SH3GL1: variants seen among roughly 807,000 people sequenced by gnomAD.
SH3GL1 encodes SH3 domain containing GRB2 like 1, endophilin A2.
Under a neutral mutation model 48.8 loss-of-function variants are expected in SH3GL1, and 21 were observed. The observed-to-expected ratio is 0.43, with a 90% CI of 0.30 to 0.62. The LOEUF (loss-of-function observed/expected upper bound fraction) is 0.62. Ranked by LOEUF, SH3GL1 falls within the 20% of genes least tolerant of loss-of-function variation. SH3GL1 has a pLI of 0.11. For synonymous variants in SH3GL1, 282 were observed against 217.5 expected (o/e 1.30, Z -2.61); for missense variants, 454 against 503.0 (o/e 0.90, Z 0.93).
In SH3GL1 at chr19:4,376,405, C is replaced by T. The variant is rs116461582; in HGVS notation, c.46-9411G>A. ...AGAACCTCAGCGCCCTCCTCCCTGC[C>T]GGCAGCCAGGCAGGGATTTAGGTGG... On this transcript the variant is annotated intron_variant, in intron 1 of 9. Coordinates refer to ENST00000269886, the MANE Select transcript of SH3GL1 (RefSeq NM_003025.4). The surrounding 1 kb of genome is among the most constrained non-coding windows in gnomAD (Gnocchi z 4.3). Among the ~76,000 whole-genome samples, 1,393 of 152,146 alleles carry T rather than the reference C, an allele frequency of 9.2e-3. 25 individuals are homozygous for T. The highest frequency in any genetic ancestry group is 0.032 in the African/African-American group (1,347 of 41,512).
chr19:4,381,581 T>C, intron 1 of SH3GL1, among the ~76,000 whole-genome samples: 1 of 76,808 alleles, frequency 1.3e-5, no homozygotes, highest in Admixed American at 1.7e-4. Context: ...TCCCCCTGCC[T>C]CTCTCTGTCT....
At chr19:4,369,545 C>A (rs924274113) in intron 1 of SH3GL1, among the ~76,000 whole-genome samples, 7 of 152,164 alleles carry the variant, frequency 4.6e-5, no homozygotes, top group Non-Finnish European at 1.0e-4. Flanking sequence ...GAGGCCCTAC[C>A]GGCGAGGACC....
At chr19:4,384,832 G>A (rs184805730) in intron 1 of SH3GL1, among the ~76,000 whole-genome samples, 18 of 152,310 alleles carry the variant, frequency 1.2e-4, no homozygotes, top group South Asian at 1.0e-3. Context: ...GAGCAGGTGC[G>A]GTGGCTTACG....
intron 1 of SH3GL1, among the ~76,000 whole-genome samples, chr19:4,370,495 G>C (rs762269164): frequency 6.6e-6 from 1 of 152,116 alleles, no homozygotes; most frequent in Non-Finnish European, 1.5e-5. Flanking sequence ...CCTGCATCAG[G>C]GTGGCAGGGT....
intron 1 of SH3GL1, among the ~76,000 whole-genome samples, chr19:4,384,087 G>A (rs1223672394): frequency 6.6e-6 from 1 of 152,224 alleles, no homozygotes; most frequent in Non-Finnish European, 1.5e-5. Flanking sequence ...CTGCGACAAG[G>A]CTGGGTGCTA....
intron 1 of SH3GL1, chr19:4,395,471 T>C (rs943040689): frequency 2.6e-5 from 4 of 152,242 alleles, no homozygotes; most frequent in Admixed American, 2.6e-4. Flanking sequence ...TGTCATCATA[T>C]GTACGGGAAA....
At chr19:4,364,321 G>A in intron 4 of SH3GL1, 100 bp from the exon 5 acceptor site, 2 of 1,456,464 alleles carry the variant, frequency 1.4e-6, no homozygotes, top group Non-Finnish European at 9.5e-7. Context: ...TCACAGGCTG[G>A]AACGCAGTGG....
intron 1 of SH3GL1, among the ~76,000 whole-genome samples, chr19:4,368,940 C>T (rs1366518121): frequency 2.0e-5 from 3 of 152,126 alleles, no homozygotes; most frequent in Non-Finnish European, 4.4e-5. Flanking sequence ...GGCCTGATGG[C>T]GGGTGCCTGT....
intron 1 of SH3GL1, among the ~76,000 whole-genome samples, chr19:4,394,822 T>C (rs571459936): frequency 2.0e-5 from 3 of 152,344 alleles, no homozygotes; most frequent in African/African-American, 7.2e-5. Context: ...TCTACTGACG[T>C]AGGGCTGGAG....
chr19:4,392,569 C>CACACAA (rs1441284386), intron 1 of SH3GL1, among the ~76,000 whole-genome samples: 1 of 127,500 alleles, frequency 7.8e-6, no homozygotes, highest in Admixed American at 7.5e-5. Flanking sequence ...CACACACACA[C>CACACAA]AAAAGATCAT....
At chr19:4,388,259 G>A (rs958092023) in intron 1 of SH3GL1, among the ~76,000 whole-genome samples, 2 of 152,192 alleles carry the variant, frequency 1.3e-5, no homozygotes, top group Non-Finnish European at 2.9e-5. Flanking sequence ...GAAAGAGGCC[G>A]AATCAGCTAA....
chr19:4,368,090 A>T (rs1972821007), intron 1 of SH3GL1, among the ~76,000 whole-genome samples: 1 of 152,194 alleles, frequency 6.6e-6, no homozygotes, highest in Admixed American at 6.5e-5. Context: ...GGGTCTGATC[A>T]CTTGTGTGAA....
chr19:4,399,929 C>G (rs1008251308), intron 1 of SH3GL1, among the ~76,000 whole-genome samples: 3 of 152,192 alleles, frequency 2.0e-5, no homozygotes, highest in African/African-American at 7.2e-5. Flanking sequence ...GGATTTTGAA[C>G]GTAACTGCTC....
chr19:4,365,548 A>G lies in SH3GL1; in HGVS notation c.265T>C (p.Ser89Pro). 6.2e-7 allele frequency: 1 copy of G among 1,614,030 alleles called. No homozygotes were observed. Among genetic ancestry groups the G allele is most frequent in the Non-Finnish European group, 8.5e-7 (1 of 1,180,024 alleles). ...ATGCACTCGCCCAGAAGCCCCTCCG[A>G]CTGCGGGTAGCCGGGGTTCTTCACC... is the stretch of plus-strand genomic sequence containing the variant. ...GQVKNPGYPQ[S>P]EGLLGECMIR... The change falls in exon 4 of 10, where the codon TCG becomes CCG. Residue 89 changes from serine to proline, a missense_variant. Around this residue, in one of 2 missense-constraint regions of SH3GL1, gnomAD observed 176 missense variants for 256.2 expected, o/e 0.69. Transcript: ENST00000269886.
rs1296199160 is a variant in SH3GL1, at chr19:4,363,898, G to A, written c.466-20C>T. 6 of 1,611,588 alleles carry A rather than the reference G, an allele frequency of 3.7e-6. No homozygotes were observed. The highest frequency in any genetic ancestry group is 3.3e-5 in the Admixed American group (2 of 60,006). On this transcript the variant is annotated intron_variant, in intron 5 of 9. Coordinates refer to ENST00000269886, the MANE Select transcript of SH3GL1 (RefSeq NM_003025.4). ...GTGGTGCTGGAGACGTGGGGGACAT[G>A]GGTCACACCAGTAGCGGCCAGAGGG...
At position 4,364,344 on chromosome 19, in the gene SH3GL1, T is replaced by C. The variant is rs1053728973; in HGVS notation, c.332-123A>G. The C allele has an allele frequency of 3.0e-5, 38 of 1,269,882 alleles. 2 individuals are homozygous for C. In the South Asian group the frequency reaches 4.9e-4, roughly 16 times the overall value. The allele number at this position is 1,269,882 out of a possible 1,614,324, so 78.7% of individuals were successfully genotyped here. ...TGGAACGCAGTGGCGCTGTACCAGCTCACTGCAGGCCTCAAACTGGGCTCA... is the reference window on the plus strand; with the variant it reads ...TGGAACGCAGTGGCGCTGTACCAGCCCACTGCAGGCCTCAAACTGGGCTCA... On this transcript the variant is annotated intron_variant, in intron 4 of 9. Transcript: ENST00000269886.
Position 4,361,026 on chromosome 19 carries a change from C to T in SH3GL1, c.*574G>A. The T allele has an allele frequency of 4.3e-6, 1 of 234,718 alleles. No homozygotes were observed. The highest frequency in any genetic ancestry group is 8.4e-6 in the Non-Finnish European group (1 of 119,160). The allele number at this position is 234,718 out of a possible 1,614,324, so 14.5% of individuals were successfully genotyped here. A position where few individuals can be genotyped will look rare whatever the true frequency, so the allele number is the denominator to read the frequency against. Reference sequence around the variant, plus strand: ...AGCAGGCCCGGGAGGCGGTGAGGCCCTCTGCCCTGGCCTTGAGGAGAAGGA... The same window carrying T: ...AGCAGGCCCGGGAGGCGGTGAGGCCTTCTGCCCTGGCCTTGAGGAGAAGGA... On this transcript the variant is annotated 3_prime_UTR_variant, in exon 10 of 10. Transcript: ENST00000269886.
chr19:4,371,664 A>G (rs564765792), intron 1 of SH3GL1, among the ~76,000 whole-genome samples: 29 of 152,204 alleles, frequency 1.9e-4, no homozygotes, highest in Non-Finnish European at 2.9e-4. Flanking sequence ...GGTCGGCCCC[A>G]GGGTCCTCAG....
intron 9 of SH3GL1, among the ~76,000 whole-genome samples, 168 bp downstream of exon 9, chr19:4,362,161 C>G (rs1371766384): frequency 2.0e-5 from 3 of 152,192 alleles, no homozygotes; most frequent in Non-Finnish European, 4.4e-5. Flanking sequence ...GAGGCTGAGA[C>G]CCAGAGGGGT....
Sources: allele counts gnomAD v4.1 joint callset (sites outside exome capture counted in the v4.1 genomes callset), GRCh38; gene constraint gnomAD v4.1.1; regional missense constraint gnomAD v4.1.1; non-coding constraint Gnocchi (gnomAD v3.1); transcripts MANE v1.5; gene names NCBI Gene and HGNC (gene_info 2026-07-23, HGNC 2026-07-21).